The following TRIM44 variants were observed in gnomAD, a reference collection of about 807,000 sequenced individuals.
TRIM44 encodes the protein tripartite motif containing 44.
A neutral mutation model predicts 37.4 loss-of-function variants in TRIM44; 13 were observed. That is an observed-to-expected ratio of 0.35 (90% CI 0.23 to 0.55). The LOEUF (loss-of-function observed/expected upper bound fraction) is 0.55. Ranked by LOEUF, TRIM44 falls within the 20% of genes least tolerant of loss-of-function variation. The probability of loss-of-function intolerance (pLI) is 0.89; values close to 1 mark genes in which losing one functional copy is unlikely to be tolerated. For synonymous variants in TRIM44, 175 were observed against 157.2 expected (o/e 1.11, Z -0.85); for missense variants, 426 against 437.2 (o/e 0.97, Z 0.23).
At position 35,704,480 on chromosome 11, in the gene TRIM44, T is replaced by C. The variant is rs1851844497; in HGVS notation, c.747+19144T>C. ...ATTGTCAGATTCACCAAAGTTGAAA[T>C]GAAGGACAAAATGTTAAGGGCAGCC... is the stretch of plus-strand genomic sequence containing the variant. On this transcript the variant is annotated intron_variant, in intron 2 of 4. Transcript: ENST00000299413. Among the ~76,000 whole-genome samples the C allele has an allele frequency of 1.3e-5, 2 of 152,018 alleles. 1 individual carries two copies. Among genetic ancestry groups the C allele is most frequent in the South Asian group, 4.2e-4 (2 of 4,814 alleles).
At chr11:35,733,403 T>G (rs1255000000) in intron 3 of TRIM44, among the ~76,000 whole-genome samples, 53 of 152,212 alleles carry the variant, frequency 3.5e-4, no homozygotes, top group Non-Finnish European at 1.5e-4. Context: ...TTGAAAAATT[T>G]GTGTTGAGAT....
chr11:35,760,012 T>C (rs1031585070), intron 4 of TRIM44, among the ~76,000 whole-genome samples: 7 of 152,234 alleles, frequency 4.6e-5, no homozygotes, highest in African/African-American at 1.7e-4. Context: ...CACTACTCTC[T>C]TCAAAGCTGT....
intron 4 of TRIM44, among the ~76,000 whole-genome samples, chr11:35,737,920 A>G (rs1199705746): frequency 6.6e-6 from 1 of 152,168 alleles, no homozygotes; most frequent in African/African-American, 2.4e-5. Flanking sequence ...CTAAATCAAT[A>G]TCTTCTAGTT....
chr11:35,811,883 C>G lies in TRIM44; in HGVS notation c.*5498C>G, dbSNP rs917862396. ...AGGGAGATAAGTCACTCAAGGTCAC[C>G]CAACAAGCCAGGCTGGTAAAGCCCA... is the stretch of plus-strand genomic sequence containing the variant. On this transcript the variant is annotated 3_prime_UTR_variant, in exon 5 of 5. Coordinates refer to ENST00000299413, the MANE Select transcript of TRIM44 (RefSeq NM_017583.6). The G allele has an allele frequency of 6.6e-6, 1 of 152,244 alleles. No individual in the cohort carries two copies. Among genetic ancestry groups the G allele is most frequent in the East Asian group, 1.9e-4 (1 of 5,168 alleles). 9.4% of individuals were successfully genotyped at this position (152,244 alleles called of 1,614,324 possible). A position where few individuals can be genotyped will look rare whatever the true frequency, so the allele number is the denominator to read the frequency against.
At chr11:35,673,594 G>A (rs1851425210) in intron 1 of TRIM44, among the ~76,000 whole-genome samples, 1 of 152,164 alleles carries the variant, frequency 6.6e-6, no homozygotes, top group African/African-American at 2.4e-5. Context: ...TTAGCCAGTG[G>A]TCTGAACAAT....
chr11:35,774,768 A>G (rs1375180191), intron 4 of TRIM44, among the ~76,000 whole-genome samples: 2 of 152,184 alleles, frequency 1.3e-5, no homozygotes, highest in Non-Finnish European at 1.5e-5. Flanking sequence ...GTCAAAGATC[A>G]GATGGTTGTA....
At chr11:35,681,951 A>C (rs1159831552) in intron 1 of TRIM44, among the ~76,000 whole-genome samples, 8 of 128,738 alleles carry the variant, frequency 6.2e-5, no homozygotes, top group Non-Finnish European at 1.1e-4. Flanking sequence ...TATGTCCCAT[A>C]CTTTTTTTTT....
chr11:35,752,740 C>G (rs945614320), intron 4 of TRIM44, among the ~76,000 whole-genome samples: 1 of 152,100 alleles, frequency 6.6e-6, no homozygotes, highest in African/African-American at 2.4e-5. Context: ...TATGTCAGGG[C>G]CTTTGTGCTC....
rs200119579 is a variant in TRIM44 at position 35,740,119 on chromosome 11, A to AAAC, written c.1007+4674_1007+4675insAAC. ...TCTAAAAAAAAAAAAAAAAAAAAAAAGGTACCTTTGAAGCCCAGAGTGATT... is the reference window on the plus strand; with the variant it reads ...TCTAAAAAAAAAAAAAAAAAAAAAAAAACGGTACCTTTGAAGCCCAGAGTGATT... On this transcript the variant is annotated intron_variant, in intron 4 of 4. Transcript: ENST00000299413. Among the ~76,000 whole-genome samples, 8 of 140,422 alleles carry AAAC rather than the reference A, an allele frequency of 5.7e-5. 1 individual carries two copies. The highest frequency in any genetic ancestry group is 2.2e-4 in the African/African-American group (8 of 36,810). 92.1% of individuals were successfully genotyped at this position (140,422 alleles called of 152,430 possible).
chr11:35,727,662 C>T (rs1008798456), intron 3 of TRIM44, among the ~76,000 whole-genome samples: 2 of 152,146 alleles, frequency 1.3e-5, no homozygotes, highest in African/African-American at 4.8e-5. Flanking sequence ...AGCATTAACT[C>T]CATTTTACAA....
At chr11:35,739,578 T>G (rs1168366271) in intron 4 of TRIM44, among the ~76,000 whole-genome samples, 22 of 152,182 alleles carry the variant, frequency 1.4e-4, no homozygotes. Flanking sequence ...TCTCAGCCTC[T>G]GTCATTATAA....
chr11:35,693,626 T>G (rs898262556), intron 2 of TRIM44, among the ~76,000 whole-genome samples: 1 of 152,168 alleles, frequency 6.6e-6, no homozygotes, highest in Non-Finnish European at 1.5e-5. Flanking sequence ...ATGAGCTTAG[T>G]CCAAAACAAT....
intron 1 of TRIM44, among the ~76,000 whole-genome samples, chr11:35,683,549 T>G (rs1052108556): frequency 2.0e-5 from 3 of 152,176 alleles, no homozygotes; most frequent in African/African-American, 7.2e-5. Context: ...AGAGGCCAAT[T>G]TTGAGTAAGA....
chr11:35,717,858 A>G (rs1852057152), intron 2 of TRIM44, among the ~76,000 whole-genome samples: 1 of 152,076 alleles, frequency 6.6e-6, no homozygotes. Flanking sequence ...AAAAATGAAA[A>G]GCCAAACTCA....
intron 2 of TRIM44, among the ~76,000 whole-genome samples, chr11:35,698,248 A>C (rs1364067559): frequency 4.4e-5 from 6 of 134,854 alleles, no homozygotes; most frequent in Non-Finnish European, 6.3e-5. Flanking sequence ...ATAAACATAC[A>C]TGTGCATGTG....
chr11:35,775,208 G>C (rs1008257978), intron 4 of TRIM44, among the ~76,000 whole-genome samples: 1 of 152,074 alleles, frequency 6.6e-6, no homozygotes, highest in African/African-American at 2.4e-5. Flanking sequence ...TGGATTCCTA[G>C]GTATTTTATT....
intron 4 of TRIM44, among the ~76,000 whole-genome samples, chr11:35,757,879 T>G (rs958508910): frequency 2.0e-5 from 3 of 152,222 alleles, no homozygotes; most frequent in Admixed American, 6.5e-5. Context: ...TGTTATAATT[T>G]CTGTTCTTTT....
chr11:35,787,494 C>T (rs74381071), intron 4 of TRIM44, among the ~76,000 whole-genome samples: 3,326 of 152,200 alleles, frequency 0.022, 52 homozygotes, highest in Middle Eastern at 0.044. Flanking sequence ...CCTAGAATGT[C>T]CCCCACTTTT....
chr11:35,734,145 A>T (rs1413549361), intron 3 of TRIM44, among the ~76,000 whole-genome samples: 2 of 152,182 alleles, frequency 1.3e-5, no homozygotes, highest in African/African-American at 4.8e-5. Flanking sequence ...CGAAAATCCT[A>T]GAAGGTTAGA....
Sources: gnomAD v4.1 joint callset for allele counts (sites outside exome capture counted in the v4.1 genomes callset) on GRCh38, gnomAD v4.1.1 for gene constraint, MANE v1.5 for transcripts, NCBI Gene and HGNC (gene_info 2026-07-23, HGNC 2026-07-21) for gene names.